METTL4: variants seen among roughly 807,000 people sequenced by gnomAD.
METTL4 encodes the protein methyltransferase 4, N6-adenosine.
In METTL4, 40 loss-of-function variants were observed where a neutral mutation model predicts 54.0. The ratio of observed to expected loss-of-function variants is 0.74; its 90% confidence interval spans 0.58 to 0.96. METTL4 has a LOEUF of 0.96. Among genes scored for constraint, METTL4 ranks in the 50% least tolerant of loss-of-function variants. The pLI is 0.00. For synonymous variants in METTL4, 169 were observed against 183.8 expected, an observed-to-expected ratio of 0.92 and a Z score of 0.65; for missense variants, 525 against 549.0, an observed-to-expected ratio of 0.96 and a Z score of 0.44.
At chr18:2,542,082 TCTAA>T (rs1236633313) in intron 8 of METTL4, among the ~76,000 whole-genome samples, 1 of 152,190 alleles carries the variant, frequency 6.6e-6, no homozygotes, top group East Asian at 1.9e-4. Flanking sequence ...TCCTCCAGAA[TCTAA>T]CTTTTGTCTT....
intron 2 of METTL4, among the ~76,000 whole-genome samples, chr18:2,564,688 CTAAA>C (rs2072375914): frequency 6.6e-6 from 1 of 152,070 alleles, no homozygotes; most frequent in South Asian, 2.1e-4. Flanking sequence ...TGTCTGTTGG[CTAAA>C]TAAATAAATG....
intron 5 of METTL4, among the ~76,000 whole-genome samples, chr18:2,548,788 T>C (rs2072109724): frequency 6.6e-6 from 1 of 152,168 alleles, no homozygotes. Flanking sequence ...GCCAATCGTT[T>C]CATTGTCTTC....
At position 2,539,039 on chromosome 18, in the gene METTL4, C is replaced by T; in HGVS notation, c.1380G>A (p.Gln460=). 6.2e-7 allele frequency: 1 copy of T among 1,613,986 alleles called. No homozygotes were observed. The highest frequency in any genetic ancestry group is 8.5e-7 in the Non-Finnish European group (1 of 1,179,940). The change falls in exon 9 of 9, where the codon CAG becomes CAA. Residue 460 remains glutamine (Q), a synonymous_variant. Transcript: ENST00000574538. The part of the protein sequence containing the change: ...TSWGNEVLKF[Q]HVDYFIAVES... ...CCACAGCAATAAAATAATCCACATGCTGAAATTTGAGAACTTCATTGCCCC... is the reference window on the plus strand; with the variant it reads ...CCACAGCAATAAAATAATCCACATGTTGAAATTTGAGAACTTCATTGCCCC...
At chr18:2,564,735 CAGA>C (rs1449239971) in intron 2 of METTL4, among the ~76,000 whole-genome samples, 1 of 152,130 alleles carries the variant, frequency 6.6e-6, no homozygotes, top group Non-Finnish European at 1.5e-5. Context: ...TTTAGCATAT[CAGA>C]AGGTGTCATC....
intron 8 of METTL4, chr18:2,540,273 A>G: frequency 1.0e-6 from 1 of 984,564 alleles, no homozygotes; most frequent in Non-Finnish European, 1.2e-6. Flanking sequence ...TATGCTAACC[A>G]CCTAATAGGA....
At chr18:2,548,584 A>C (rs1188433207) in intron 5 of METTL4, among the ~76,000 whole-genome samples, 1 of 152,190 alleles carries the variant, frequency 6.6e-6, no homozygotes, top group African/African-American at 2.4e-5. Flanking sequence ...TCACCTAAAC[A>C]AATACAACTG....
intron 8 of METTL4, chr18:2,540,988 A>G: frequency 1.1e-6 from 1 of 911,306 alleles, no homozygotes; most frequent in Non-Finnish European, 1.3e-6. Flanking sequence ...AGAGTTTACA[A>G]TCTAATGGAA....
At chr18:2,544,546 C>T in intron 7 of METTL4, 107 bp downstream of exon 7, 1 of 771,698 alleles carries the variant, frequency 1.3e-6, no homozygotes, top group Non-Finnish European at 2.1e-6. Flanking sequence ...GGACCATTTT[C>T]AGAGTTTCAA....
At chr18:2,547,010 G>A (rs191469613) in intron 6 of METTL4, among the ~76,000 whole-genome samples, 6 of 152,272 alleles carry the variant, frequency 3.9e-5, no homozygotes, top group Non-Finnish European at 7.4e-5. Flanking sequence ...GGAAGAAGAT[G>A]AAGAGTAAGA....
At chr18:2,564,652 C>T (rs2072375397) in intron 2 of METTL4, among the ~76,000 whole-genome samples, 1 of 152,168 alleles carries the variant, frequency 6.6e-6, no homozygotes, top group African/African-American at 2.4e-5. Context: ...TACCTTGTGT[C>T]AAACTCTTAG....
intron 8 of METTL4, chr18:2,540,098 A>G (rs576142421): frequency 1.0e-6 from 1 of 979,414 alleles, no homozygotes; most frequent in East Asian, 1.1e-4. Context: ...ATGTATTAAT[A>G]ACTACTGAAC....
chr18:2,552,831 T>G, intron 4 of METTL4, 67 bp from the exon 5 acceptor site: 1 of 1,007,508 alleles, frequency 9.9e-7, no homozygotes, highest in Non-Finnish European at 1.5e-6. Context: ...CTAAACATGT[T>G]CTTCAAAACT....
At chr18:2,557,984 A>C (rs979873489) in intron 3 of METTL4, among the ~76,000 whole-genome samples, 5 of 152,198 alleles carry the variant, frequency 3.3e-5, no homozygotes, top group Admixed American at 1.3e-4. Flanking sequence ...AAACCAACCC[A>C]AAAAAATCTA....
intron 3 of METTL4, among the ~76,000 whole-genome samples, chr18:2,560,663 G>T (rs910929392): frequency 4.6e-5 from 7 of 152,150 alleles, no homozygotes; most frequent in Non-Finnish European, 8.8e-5. Flanking sequence ...AGATCATGAG[G>T]TCAGGAGATT....
chr18:2,558,594 A>G (rs904457479), intron 3 of METTL4, among the ~76,000 whole-genome samples: 1 of 151,944 alleles, frequency 6.6e-6, no homozygotes, highest in African/African-American at 2.4e-5. Context: ...AAAAAGTTAG[A>G]AAAAGAAGAG....
chr18:2,540,028 C>T (rs1189639204), intron 8 of METTL4: 1 of 977,478 alleles, frequency 1.0e-6, no homozygotes, highest in Non-Finnish European at 1.2e-6. Flanking sequence ...ATTATAGATC[C>T]TTCTTTACCT....
intron 5 of METTL4, among the ~76,000 whole-genome samples, chr18:2,547,936 T>C (rs1169609408): frequency 6.6e-6 from 1 of 152,182 alleles, no homozygotes; most frequent in African/African-American, 2.4e-5. Flanking sequence ...ATACAAGCCT[T>C]ACCTGGCACC....
intron 7 of METTL4, 29 bp from the exon 8 acceptor site, chr18:2,544,315 A>T (rs374659374): frequency 1.3e-4 from 199 of 1,539,886 alleles, no homozygotes; most frequent in Middle Eastern, 5.2e-4. Flanking sequence ...AAAGTAAACT[A>T]TATTTTAAAA....
chr18:2,548,519 T>C (rs565331729), intron 5 of METTL4, among the ~76,000 whole-genome samples: 8 of 152,326 alleles, frequency 5.3e-5, no homozygotes, highest in African/African-American at 1.9e-4. Flanking sequence ...AACTGGCCAC[T>C]ATTCTGAACA....
Sources: allele counts gnomAD v4.1 joint callset (sites outside exome capture counted in the v4.1 genomes callset), GRCh38; gene constraint gnomAD v4.1.1; transcripts MANE v1.5; gene names NCBI Gene and HGNC (gene_info 2026-07-23, HGNC 2026-07-21).